The following CFAP70 variants were observed in gnomAD, a reference collection of about 807,000 sequenced individuals.
The protein encoded by CFAP70 is cilia- and flagella-associated protein 70.
A neutral mutation model predicts 137.6 loss-of-function variants in CFAP70; 81 were observed. That is an observed-to-expected ratio of 0.59 (90% confidence interval 0.49 to 0.71). CFAP70 has a LOEUF of 0.71. Ranked by LOEUF, CFAP70 falls within the 30% of genes least tolerant of loss-of-function variation. The probability of loss-of-function intolerance (pLI) is 0.00; values close to 1 mark genes in which losing one functional copy is unlikely to be tolerated. For synonymous variants in CFAP70, 382 were observed against 423.6 expected, an observed-to-expected ratio of 0.90 and a Z score of 1.20; for missense variants, 976 against 1,226.7, an observed-to-expected ratio of 0.80 and a Z score of 3.05.
chr10:73,255,508 C>T (rs2044396992), intron 26 of CFAP70, among the ~76,000 whole-genome samples: 1 of 151,982 alleles, frequency 6.6e-6, no homozygotes, highest in Non-Finnish European at 1.5e-5. Context: ...GAGCTGAGAT[C>T]GTGCTACTGC....
At chr10:73,299,522 C>T (rs2048783318) in intron 13 of CFAP70, 83 bp downstream of exon 14, 1 of 1,139,216 alleles carries the variant, frequency 8.8e-7, no homozygotes, top group Admixed American at 1.9e-5. Flanking sequence ...TTCTGGAAGA[C>T]ATATTAAAGA....
chr10:73,340,861 G>A (rs534244026), intron 6 of CFAP70, among the ~76,000 whole-genome samples: 1 of 152,344 alleles, frequency 6.6e-6, no homozygotes, highest in African/African-American at 2.4e-5. Flanking sequence ...GGGGGCAGGA[G>A]GGCTTCCCAG....
At chr10:73,348,268 G>T in intron 4 of CFAP70, 33 bp from the exon 5 acceptor site, 1 of 1,609,872 alleles carries the variant, frequency 6.2e-7, no homozygotes, top group Non-Finnish European at 8.5e-7. Flanking sequence ...AGCCAAAGAA[G>T]AAAGGGTTAA....
intron 9 of CFAP70, 144 bp from the exon 11 acceptor site, chr10:73,312,787 T>C (rs537328620): frequency 9.8e-6 from 7 of 711,106 alleles, no homozygotes; most frequent in African/African-American, 7.3e-5. Flanking sequence ...AAAGACTTCA[T>C]TGTATTTCCC....
At chr10:73,331,980 G>A (rs1211794138) in intron 7 of CFAP70, among the ~76,000 whole-genome samples, 1 of 152,084 alleles carries the variant, frequency 6.6e-6, no homozygotes, top group East Asian at 1.9e-4. Flanking sequence ...AATCCCACCT[G>A]TACTTGCAAC....
chr10:73,354,986 G>A (rs1297456494), intron 1 of CFAP70, among the ~76,000 whole-genome samples, 151 bp from the exon 2 acceptor site: 1 of 152,194 alleles, frequency 6.6e-6, no homozygotes, highest in Non-Finnish European at 1.5e-5. Context: ...TGTTGGACAG[G>A]CAGTGCTTTA....
chr10:73,317,893 C>A (rs149521844), intron 9 of CFAP70, among the ~76,000 whole-genome samples: 1 of 150,926 alleles, frequency 6.6e-6, no homozygotes, highest in Non-Finnish European at 1.5e-5. Flanking sequence ...TCATAAATGG[C>A]TTGGTGCTAT....
Position 73,325,304 on chromosome 10 carries a change from C to A in CFAP70, c.778-2207G>T, listed in dbSNP as rs983918525. On this transcript the variant is annotated intron_variant, in intron 8 of 26. Coordinates refer to ENST00000310715, the Ensembl canonical transcript of CFAP70. ...CAAATGCTGAGAGATTTTGTCACCA[C>A]CAGGCCTGCCCTAAAAGAGCTCCTG... is the stretch of plus-strand genomic sequence containing the variant. Among the ~76,000 whole-genome samples the A allele has an allele frequency of 7.2e-4, 109 of 152,086 alleles. 1 individual carries two copies. Among genetic ancestry groups the A allele is most frequent in the African/African-American group, 2.4e-3 (101 of 41,484 alleles).
intron 6 of CFAP70, among the ~76,000 whole-genome samples, chr10:73,339,620 G>T (rs1321991356): frequency 6.6e-6 from 1 of 152,204 alleles, no homozygotes; most frequent in African/African-American, 2.4e-5. Flanking sequence ...GTGAGTAAGC[G>T]ATCATGGGGT....
intron 24 of CFAP70, among the ~76,000 whole-genome samples, chr10:73,270,177 T>C (rs2046130913): frequency 6.6e-6 from 1 of 152,178 alleles, no homozygotes; most frequent in African/African-American, 2.4e-5. Flanking sequence ...GTTGAAATAC[T>C]ATTGTCCAGA....
chr10:73,326,791 A>C (rs1169334819), intron 8 of CFAP70, among the ~76,000 whole-genome samples: 3 of 152,200 alleles, frequency 2.0e-5, no homozygotes, highest in African/African-American at 7.2e-5. Context: ...AACCAGGAAG[A>C]ACTTGAATCT....
At chr10:73,272,856 G>T in intron 24 of CFAP70, 72 bp downstream of exon 25, 2 of 1,312,346 alleles carry the variant, frequency 1.5e-6, no homozygotes, top group South Asian at 1.3e-5. Flanking sequence ...CAAACCCCCA[G>T]GATGCTTGGA....
intron 25 of CFAP70, among the ~76,000 whole-genome samples, chr10:73,265,319 T>A (rs1168892249): frequency 1.5e-5 from 2 of 134,074 alleles, no homozygotes; most frequent in Admixed American, 7.7e-5. Flanking sequence ...AGACTCCATC[T>A]CAAAAAAAAA....
chr10:73,338,479 G>A (rs1323791289), intron 6 of CFAP70, among the ~76,000 whole-genome samples: 4 of 148,134 alleles, frequency 2.7e-5, no homozygotes, highest in African/African-American at 1.0e-4. Context: ...TGCCCAGGCT[G>A]GAGTGCAGTG....
At chr10:73,268,230 AG>A (rs1458298169) in intron 25 of CFAP70, among the ~76,000 whole-genome samples, 1 of 152,200 alleles carries the variant, frequency 6.6e-6, no homozygotes, top group African/African-American at 2.4e-5. Context: ...AAGTGTCACA[AG>A]GTTTCTTCAT....
At chr10:73,297,222 C>T (rs2048610227) in intron 14 of CFAP70, 49 bp from the exon 16 acceptor site, 1 of 1,576,326 alleles carries the variant, frequency 6.3e-7, no homozygotes, top group African/African-American at 1.4e-5. Context: ...CAGCACCATG[C>T]TGAGAGCACG....
At chr10:73,351,045 A>ATGTGTG (rs776068868) in intron 3 of CFAP70, among the ~76,000 whole-genome samples, 2 of 68,524 alleles carry the variant, frequency 2.9e-5, no homozygotes, top group Non-Finnish European at 5.8e-5. Context: ...GTGTGTATAT[A>ATGTGTG]TGTGTGTGTG....
At chr10:73,272,619 A>C (rs1455951240) in intron 24 of CFAP70, among the ~76,000 whole-genome samples, 1 of 152,232 alleles carries the variant, frequency 6.6e-6, no homozygotes, top group Non-Finnish European at 1.5e-5. Context: ...TAGATTCTTC[A>C]TCTCCCATAT....
chr10:73,289,824 T>C lies in CFAP70; in HGVS notation c.2239+1402A>G, dbSNP rs536187117. ...ACTTTGGGAGGCCGAGGCAGGCAGA[T>C]TGCCTGAGGTCAGGCATTCGAGGCC... is the stretch of plus-strand genomic sequence containing the variant. On this transcript the variant is annotated intron_variant, in intron 19 of 26. Coordinates refer to ENST00000310715, the Ensembl canonical transcript of CFAP70. Among the ~76,000 whole-genome samples the C allele has an allele frequency of 2.1e-3, 321 of 152,154 alleles. 2 individuals are homozygous for C. Among genetic ancestry groups the C allele is most frequent in the African/African-American group, 7.3e-3 (305 of 41,552 alleles).
Sources: gnomAD v4.1 joint callset for allele counts (sites outside exome capture counted in the v4.1 genomes callset) on GRCh38, gnomAD v4.1.1 for gene constraint, MANE v1.5 for transcripts, NCBI Gene and HGNC (gene_info 2026-07-23, HGNC 2026-07-21) for gene names.